Variants in RAB38 observed in about 807,000 individuals in gnomAD.
RAB38 encodes the protein ras-related protein Rab-38.
Under a neutral mutation model 18.4 loss-of-function variants are expected in RAB38, and 15 were observed. The observed-to-expected ratio is 0.82, with a 90% confidence interval of 0.55 to 1.26. The LOEUF is 1.26. Ranked by LOEUF, RAB38 falls within the 50% of genes most tolerant of loss-of-function variation. The pLI, the probability that RAB38 is intolerant of heterozygous loss-of-function variation, is 0.00. For synonymous variants in RAB38, 101 were observed against 104.4 expected (o/e 0.97, Z 0.20); for missense variants, 294 against 267.4 (o/e 1.10, Z -0.69).
At chr11:87,897,103 G>A in the RAB38 span, among the ~76,000 whole-genome samples, 4 of 151,510 alleles carry the variant, frequency 2.6e-5, no homozygotes, top group Non-Finnish European at 5.9e-5. Flanking sequence ...TACTTTTAAA[G>A]TGAATAGAAT....
At chr11:88,149,435 A>C (rs971873214) in intron 2 of RAB38, among the ~76,000 whole-genome samples, 1 of 152,226 alleles carries the variant, frequency 6.6e-6, no homozygotes, top group African/African-American at 2.4e-5. Context: ...GTTATCAACT[A>C]TTACTATTGA....
the RAB38 span, among the ~76,000 whole-genome samples, chr11:87,976,071 T>C: frequency 3.9e-3 from 586 of 150,654 alleles, 2 homozygotes; most frequent in Middle Eastern, 6.9e-3. Context: ...TAACAAAAAA[T>C]TTCCCCCTCA....
the RAB38 span, among the ~76,000 whole-genome samples, chr11:87,976,645 G>A: frequency 1.8e-5 from 2 of 108,496 alleles, no homozygotes; most frequent in African/African-American, 7.3e-5. Context: ...GATTTTATAT[G>A]ATATATAAAT....
chr11:88,128,040 C>T (rs1052297256), intron 2 of RAB38, among the ~76,000 whole-genome samples: 6 of 152,136 alleles, frequency 3.9e-5, no homozygotes, highest in Non-Finnish European at 8.8e-5. Context: ...TGAGCTGATT[C>T]AAATTTAAAA....
At chr11:88,051,798 C>T in the RAB38 span, among the ~76,000 whole-genome samples, 1 of 152,240 alleles carries the variant, frequency 6.6e-6, no homozygotes, top group African/African-American at 2.4e-5. Flanking sequence ...ATAGGAATAA[C>T]TAAATGACAG....
At chr11:87,812,627 T>A in the RAB38 span, among the ~76,000 whole-genome samples, 1 of 152,246 alleles carries the variant, frequency 6.6e-6, no homozygotes. Flanking sequence ...GGCTGTATGC[T>A]TGACTCTTAA....
chr11:87,805,293 C>T, the RAB38 span, among the ~76,000 whole-genome samples: 1 of 152,054 alleles, frequency 6.6e-6, no homozygotes, highest in Admixed American at 6.6e-5. Flanking sequence ...TATGTTTATA[C>T]ACACACACAA....
the RAB38 span, among the ~76,000 whole-genome samples, chr11:87,977,948 ATAT>A: frequency 8.8e-6 from 1 of 113,340 alleles, no homozygotes; most frequent in South Asian, 2.6e-4. Flanking sequence ...TAATATATTA[ATAT>A]AATATATAAA....
At chr11:87,832,132 C>G in the RAB38 span, among the ~76,000 whole-genome samples, 1 of 152,130 alleles carries the variant, frequency 6.6e-6, no homozygotes, top group African/African-American at 2.4e-5. Context: ...CAGTAAAATA[C>G]TTGTTGAGCA....
chr11:88,076,079 C>G, the RAB38 span, among the ~76,000 whole-genome samples: 9 of 150,734 alleles, frequency 6.0e-5, no homozygotes, highest in African/African-American at 1.9e-4. Context: ...TTGTTCCAGA[C>G]TGACTAAAAA....
At chr11:87,936,106 CAGT>C in the RAB38 span, among the ~76,000 whole-genome samples, 1 of 151,992 alleles carries the variant, frequency 6.6e-6, no homozygotes, top group Non-Finnish European at 1.5e-5. Context: ...TTCATCTTCT[CAGT>C]AGGTTCTTTT....
At chr11:88,050,658 A>G in the RAB38 span, among the ~76,000 whole-genome samples, 1 of 152,322 alleles carries the variant, frequency 6.6e-6, no homozygotes, top group East Asian at 1.9e-4. Flanking sequence ...CCTAGAATTT[A>G]CTTTTTTGTC....
chr11:87,939,379 T>TACACACACACAC, the RAB38 span, among the ~76,000 whole-genome samples: 157 of 146,402 alleles, frequency 1.1e-3, no homozygotes, highest in South Asian at 8.0e-3. Context: ...CACACATACA[T>TACACACACACAC]ACACACACAC....
At chr11:88,062,261 C>T in the RAB38 span, among the ~76,000 whole-genome samples, 18 of 152,104 alleles carry the variant, frequency 1.2e-4, no homozygotes, top group East Asian at 9.7e-4. Context: ...GAGTTCTCAC[C>T]GAGATCCGAT....
the RAB38 span, among the ~76,000 whole-genome samples, chr11:87,922,672 G>T: frequency 1.3e-5 from 2 of 151,894 alleles, no homozygotes; most frequent in Non-Finnish European, 2.9e-5. Context: ...TCAGTATGAG[G>T]TTTGTGGTAC....
the RAB38 span, among the ~76,000 whole-genome samples, chr11:87,900,366 C>T: frequency 6.6e-6 from 1 of 151,520 alleles, no homozygotes; most frequent in African/African-American, 2.4e-5. Flanking sequence ...CTTTCCAATA[C>T]CTCTCAGGTG....
At chr11:87,961,658 T>C in the RAB38 span, among the ~76,000 whole-genome samples, 3 of 152,170 alleles carry the variant, frequency 2.0e-5, no homozygotes, top group South Asian at 6.2e-4. Flanking sequence ...AGAGGAATGG[T>C]TCTGTACCCA....
At chr11:87,950,283 C>G in the RAB38 span, among the ~76,000 whole-genome samples, 1 of 152,102 alleles carries the variant, frequency 6.6e-6, no homozygotes, top group African/African-American at 2.4e-5. Flanking sequence ...ATGTGTGTCT[C>G]TGCACGTGAG....
At chr11:87,955,434 C>T in the RAB38 span, among the ~76,000 whole-genome samples, 2 of 152,056 alleles carry the variant, frequency 1.3e-5, no homozygotes, top group Non-Finnish European at 2.9e-5. Flanking sequence ...CATGATCATC[C>T]GTATTCCAAA....
Sources: allele counts gnomAD v4.1 joint callset (sites outside exome capture counted in the v4.1 genomes callset), GRCh38; gene constraint gnomAD v4.1.1; transcripts MANE v1.5; gene names NCBI Gene and HGNC (gene_info 2026-07-23, HGNC 2026-07-21).